Variants in B9D1 observed in about 807,000 individuals in gnomAD.
The protein encoded by B9D1 is B9 domain containing 1, also known as B9 domain-containing protein 1.
B9D1 carries 20 observed loss-of-function variants against 26.1 expected under a neutral mutation model. The observed-to-expected ratio is 0.77, with a 90% confidence interval of 0.54 to 1.12. The LOEUF (loss-of-function observed/expected upper bound fraction) is 1.12. B9D1 is among the 50% of genes most tolerant of loss of function. The pLI is 0.00. For synonymous variants in B9D1, 105 were observed against 103.1 expected, an observed-to-expected ratio of 1.02 and a Z score of -0.11; for missense variants, 260 against 273.7, an observed-to-expected ratio of 0.95 and a Z score of 0.35.
chr17:19,376,785 TTCAAATAAAATAAAA>T (rs1912144785), intron 1 of B9D1, among the ~76,000 whole-genome samples: 1 of 128,366 alleles, frequency 7.8e-6, no homozygotes, highest in Non-Finnish European at 1.5e-5. Flanking sequence ...AGACTCACTC[TTCAAATAAAATAAAA>T]TAAAATAAAA....
chr17:19,366,198 G>A (rs1396335954), upstream of B9D1, among the ~76,000 whole-genome samples: 1 of 151,862 alleles, frequency 6.6e-6, no homozygotes, highest in African/African-American at 2.4e-5. Flanking sequence ...GCCTCCTTGA[G>A]GACAGCCCTC....
chr17:19,341,075 T>C (rs950480389), downstream of B9D1: 102 of 1,202,930 alleles, frequency 8.5e-5, no homozygotes, highest in Middle Eastern at 3.2e-4. Flanking sequence ...TAAAATGATG[T>C]CAACTTTTCC....
intron 3 of B9D1, among the ~76,000 whole-genome samples, chr17:19,355,773 G>A (rs1664615528): frequency 6.6e-6 from 1 of 152,084 alleles, no homozygotes; most frequent in Non-Finnish European, 1.5e-5. Context: ...GGCAGAGCTT[G>A]CAGTGAGCTG....
chr17:19,352,250 C>G (rs2152268006), intron 3 of B9D1, among the ~76,000 whole-genome samples: 1 of 152,266 alleles, frequency 6.6e-6, no homozygotes, highest in East Asian at 1.9e-4. Flanking sequence ...TCTTTCATCT[C>G]TTCTGTTGTA....
chr17:19,355,741 G>A (rs979382501), intron 3 of B9D1, among the ~76,000 whole-genome samples: 21 of 152,090 alleles, frequency 1.4e-4, no homozygotes, highest in African/African-American at 5.1e-4. Context: ...GGCTGAGGCA[G>A]GAGAATGGCA....
At chr17:19,360,977 A>G (rs1262265289) in intron 1 of B9D1, among the ~76,000 whole-genome samples, 2 of 152,138 alleles carry the variant, frequency 1.3e-5, no homozygotes, top group Non-Finnish European at 2.9e-5. Context: ...GCTGCTCCCC[A>G]TTGCTCGCAT....
At chr17:19,343,923 T>C in intron 5 of B9D1, 66 bp from the exon 6 acceptor site, 1 of 1,608,288 alleles carries the variant, frequency 6.2e-7, no homozygotes, top group East Asian at 2.2e-5. Flanking sequence ...TGGACGACAC[T>C]GGATGTGGGC....
chr17:19,342,315 G>A (rs1908060565), downstream of B9D1, among the ~76,000 whole-genome samples: 1 of 152,182 alleles, frequency 6.6e-6, no homozygotes, highest in African/African-American at 2.4e-5. Context: ...GGGAGTGCTC[G>A]TGAGATAAAA....
At position 19,347,724 on chromosome 17, in the gene B9D1, G is replaced by A. The variant is rs1909021769; in HGVS notation, c.341+60C>T. 8 of 1,514,300 alleles carry A rather than the reference G, an allele frequency of 5.3e-6. No individual in the cohort carries two copies. Among genetic ancestry groups the A allele is most frequent in the Middle Eastern group, 1.7e-4 (1 of 5,866 alleles). The allele number at this position is 1,514,300 out of a possible 1,614,324, so 93.8% of individuals were successfully genotyped here. On this transcript the variant is annotated intron_variant, in intron 4 of 6. Coordinates refer to ENST00000261499, the MANE Select transcript of B9D1 (RefSeq NM_015681.6). This position sits in a 1 kb window ranked among gnomAD's most constrained non-coding sequence, Gnocchi z 4.3. ...CCAGCCTGAACCTAAGACAGAAAACGAGGTGAAGTCTGTCCTAGGACAAGT... is the reference window on the plus strand; with the variant it reads ...CCAGCCTGAACCTAAGACAGAAAACAAGGTGAAGTCTGTCCTAGGACAAGT...
Position 19,372,832 on chromosome 17 carries a change from T to C in B9D1, c.-298+5027A>G, listed in dbSNP as rs1911956039. 6.6e-6 allele frequency among the ~76,000 whole-genome samples: 1 copy of C among 152,234 alleles called. No individual in the cohort carries two copies. The highest frequency in any genetic ancestry group is 1.5e-5 in the Non-Finnish European group (1 of 68,038). On this transcript the variant is annotated intron_variant, in intron 1 of 5. Transcript: ENST00000477478. This position sits in a 1 kb window ranked among gnomAD's most constrained non-coding sequence, Gnocchi z 4.4. ...CAGTAACATCAGCAGAGCGGCACCC[T>C]GCTCGGACAATTCACCTGCGCTCCT...
At chr17:19,373,734 C>T (rs1297706265) in intron 1 of B9D1, among the ~76,000 whole-genome samples, 1 of 151,960 alleles carries the variant, frequency 6.6e-6, no homozygotes, top group Admixed American at 6.6e-5. Flanking sequence ...ATCATGTTGG[C>T]CAGGCTGGTC....
chr17:19,352,675 C>T (rs1447773712), intron 3 of B9D1, among the ~76,000 whole-genome samples: 1 of 152,076 alleles, frequency 6.6e-6, no homozygotes, highest in Non-Finnish European at 1.5e-5. Flanking sequence ...GTACGTGCCA[C>T]CATGCCTGGC....
chr17:19,337,592 G>C (rs1244517791), downstream of B9D1: 1 of 874,678 alleles, frequency 1.1e-6, no homozygotes, highest in African/African-American at 1.7e-5. Context: ...AGGAGAGAAA[G>C]AAGGGTGTGT....
rs1479519489 is a variant in B9D1, at chr17:19,359,484, CAA to C, written c.132+834_132+835del. On this transcript the variant is annotated intron_variant, in intron 2 of 6. Transcript: ENST00000261499. This position sits in a 1 kb window ranked among gnomAD's most constrained non-coding sequence, Gnocchi z 5.0. ...CCCTCACTTCCTTCAGGTCTTTCCT[CAA>C]AAGTTACTTTCTCGGCAAGGCCCTC... is the stretch of plus-strand genomic sequence containing the variant. Among the ~76,000 whole-genome samples the C allele has an allele frequency of 6.6e-6, 1 of 152,210 alleles. No individual in the cohort carries two copies. Among genetic ancestry groups the C allele is most frequent in the African/African-American group, 2.4e-5 (1 of 41,446 alleles).
chr17:19,377,198 T>C (rs1214532958), intron 1 of B9D1, among the ~76,000 whole-genome samples: 1 of 152,214 alleles, frequency 6.6e-6, no homozygotes, highest in African/African-American at 2.4e-5. Context: ...CAAAATAAAC[T>C]TTCTAAATTG....
intron 1 of B9D1, among the ~76,000 whole-genome samples, chr17:19,376,859 C>A (rs1307623956): frequency 6.6e-6 from 1 of 151,818 alleles, no homozygotes; most frequent in East Asian, 1.9e-4. Flanking sequence ...AACCCTAGGT[C>A]TCCACAACCC....
intron 3 of B9D1, chr17:19,357,552 T>G (rs545194175): frequency 4.3e-6 from 2 of 463,722 alleles, no homozygotes; most frequent in African/African-American, 4.0e-5. Flanking sequence ...CAGTCCTGCA[T>G]GCCAGGGTGG....
In B9D1 at chr17:19,343,319, T is replaced by TCACTGGGGGAAG; in HGVS notation, c.603_614dup (p.Gln204_Ter205insCysPheProGln). 1 of 1,614,162 alleles carries TCACTGGGGGAAG rather than the reference T, an allele frequency of 6.2e-7. No homozygotes were observed. Among genetic ancestry groups the TCACTGGGGGAAG allele is most frequent in the South Asian group, 1.1e-5 (1 of 91,076 alleles). On this transcript the variant is annotated inframe_insertion, in exon 7 of 7. Transcript: ENST00000261499. ...AGAGACTGTGCAGCCTGTGGAGCCT[T>TCACTGGGGGAAG]CACTGGGGGAAGCTCTGGGGTGGGC...
downstream of B9D1, among the ~76,000 whole-genome samples, chr17:19,338,599 C>T (rs1907655722): frequency 6.6e-6 from 1 of 152,212 alleles, no homozygotes; most frequent in African/African-American, 2.4e-5. Flanking sequence ...TAGATGGGGC[C>T]AGTGCCATGA....
Sources: allele counts gnomAD v4.1 joint callset (sites outside exome capture counted in the v4.1 genomes callset), GRCh38; gene constraint gnomAD v4.1.1; non-coding constraint Gnocchi (gnomAD v3.1); transcripts MANE v1.5; gene names NCBI Gene and HGNC (gene_info 2026-07-23, HGNC 2026-07-21).